Variants in EYA2 observed in about 807,000 individuals in gnomAD.
EYA2 encodes the protein EYA transcriptional coactivator and phosphatase 2.
EYA2 carries 31 observed loss-of-function variants against 69.2 expected under a neutral mutation model. The ratio of observed to expected loss-of-function variants is 0.45; its 90% CI spans 0.34 to 0.60. The LOEUF is 0.60. Ranked by LOEUF, EYA2 falls within the 20% of genes least tolerant of loss-of-function variation. EYA2 has a pLI of 0.02. For missense variants in EYA2, 622 were observed against 701.2 expected, an observed-to-expected ratio of 0.89 and a Z score of 1.28; for synonymous variants, 257 against 279.4, an observed-to-expected ratio of 0.92 and a Z score of 0.80.
At chr20:46,974,841 G>A (rs1269798295) in intron 1 of EYA2, among the ~76,000 whole-genome samples, 2 of 152,092 alleles carry the variant, frequency 1.3e-5, no homozygotes, top group Admixed American at 6.6e-5. Context: ...GAATCAAGCA[G>A]AACATGTGTG....
intron 5 of EYA2, among the ~76,000 whole-genome samples, chr20:47,068,492 TCA>T (rs2031195431): frequency 6.6e-6 from 1 of 152,222 alleles, no homozygotes. Context: ...TTCTCAATTC[TCA>T]GTGTGTACTA....
At chr20:47,167,504 A>G (rs3092783) in intron 10 of EYA2, among the ~76,000 whole-genome samples, 89,955 of 151,486 alleles carry the variant, frequency 0.59, 27,587 homozygotes, top group African/African-American at 0.75. Flanking sequence ...GGCTGGTCTC[A>G]AACTCCTGGC....
At chr20:47,067,192 G>T (rs1314105040) in intron 5 of EYA2, among the ~76,000 whole-genome samples, 1 of 152,166 alleles carries the variant, frequency 6.6e-6, no homozygotes, top group African/African-American at 2.4e-5. Flanking sequence ...TCATTCAGAA[G>T]GTTCATGCAA....
intron 5 of EYA2, among the ~76,000 whole-genome samples, chr20:47,042,361 A>G (rs1352538102): frequency 6.6e-6 from 1 of 152,220 alleles, no homozygotes; most frequent in East Asian, 1.9e-4. Context: ...GATTAAAAGA[A>G]ATTAAAAGGG....
chr20:47,179,704 C>A, intron 12 of EYA2, 94 bp from the exon 13 acceptor site: 2 of 806,460 alleles, frequency 2.5e-6, no homozygotes, highest in East Asian at 2.7e-5. Context: ...CTGATTTTAA[C>A]CCTCAGGGTA....
At chr20:47,119,552 C>T (rs1253054849) in intron 9 of EYA2, among the ~76,000 whole-genome samples, 1 of 152,112 alleles carries the variant, frequency 6.6e-6, no homozygotes, top group Non-Finnish European at 1.5e-5. Flanking sequence ...GTGAAAGAAG[C>T]CAGATACAGA....
intron 10 of EYA2, among the ~76,000 whole-genome samples, chr20:47,156,147 T>C (rs757853868): frequency 0.034 from 719 of 21,096 alleles, 5 homozygotes; most frequent in African/African-American, 0.048. Context: ...TATATATATA[T>C]ATATATATAT....
chr20:47,047,732 C>T (rs940656025), intron 5 of EYA2, among the ~76,000 whole-genome samples: 10 of 151,632 alleles, frequency 6.6e-5, no homozygotes, highest in Admixed American at 2.6e-4. Flanking sequence ...TTGTGTCCCA[C>T]TGGTGCTGTA....
intron 9 of EYA2, among the ~76,000 whole-genome samples, chr20:47,121,272 A>G (rs1462979662): frequency 1.3e-5 from 2 of 152,086 alleles, no homozygotes; most frequent in African/African-American, 4.8e-5. Flanking sequence ...TTGTATTTTT[A>G]GTTGAGACAG....
chr20:47,059,175 G>A (rs1173514669), intron 5 of EYA2, among the ~76,000 whole-genome samples: 3 of 152,144 alleles, frequency 2.0e-5, no homozygotes, highest in East Asian at 1.9e-4. Flanking sequence ...GATGGTGAGC[G>A]GGGAGGGACC....
At chr20:47,105,612 AAG>A in intron 9 of EYA2, among the ~76,000 whole-genome samples, 1 of 128,188 alleles carries the variant, frequency 7.8e-6, no homozygotes, top group East Asian at 2.5e-4. Context: ...GCGACAGAGC[AAG>A]ACTCTGTCCC....
In EYA2 at chr20:47,001,584, AG is replaced by A. The variant is rs1015993974; in HGVS notation, c.155+112del. The A allele has an allele frequency of 1.3e-4, 151 of 1,129,068 alleles. No individual in the cohort carries two copies. In the African/African-American group the frequency reaches 2.1e-3, roughly 16 times the overall value. The allele number at this position is 1,129,068 out of a possible 1,614,324, so 69.9% of individuals were successfully genotyped here. ...GCCAGATTCCCTGGATAGGAATCCC[AG>A]CCGTAGCACTTCCTAGCTGAGTGAG... On this transcript the variant is annotated intron_variant, in intron 3 of 15. Coordinates refer to ENST00000327619, the MANE Select transcript of EYA2 (RefSeq NM_005244.5).
chr20:47,185,226 T>C (rs140841572), intron 15 of EYA2, among the ~76,000 whole-genome samples: 39 of 150,494 alleles, frequency 2.6e-4, no homozygotes, highest in Non-Finnish European at 4.4e-4. Context: ...GCTAGAACAT[T>C]CTCTTTCTTC....
chr20:47,022,111 G>A (rs1235143367), intron 5 of EYA2, among the ~76,000 whole-genome samples: 1 of 152,166 alleles, frequency 6.6e-6, no homozygotes, highest in African/African-American at 2.4e-5. Flanking sequence ...AGGCTGTTGT[G>A]CCTTGTACTT....
intron 10 of EYA2, among the ~76,000 whole-genome samples, chr20:47,154,629 G>A (rs946793969): frequency 8.6e-5 from 13 of 151,918 alleles, no homozygotes; most frequent in Admixed American, 2.0e-4. Context: ...TTAGGAGCTC[G>A]TGCAGTGCCG....
chr20:47,057,105 AGGGAGGGAG>A (rs1398693338), intron 5 of EYA2, among the ~76,000 whole-genome samples: 1 of 93,078 alleles, frequency 1.1e-5, no homozygotes, highest in East Asian at 3.3e-4. Flanking sequence ...GGAAGGAGGG[AGGGAGGGAG>A]GGAAGGAAGA....
chr20:46,953,201 G>A (rs1390002128), intron 1 of EYA2, among the ~76,000 whole-genome samples: 3 of 152,142 alleles, frequency 2.0e-5, no homozygotes, highest in Admixed American at 6.5e-5. Context: ...ATTCTAATTC[G>A]TTTCATCTTC....
At chr20:46,917,651 C>T (rs1292959309) in intron 1 of EYA2, among the ~76,000 whole-genome samples, 1 of 152,172 alleles carries the variant, frequency 6.6e-6, no homozygotes, top group Admixed American at 6.5e-5. Flanking sequence ...TTTGGTTTCC[C>T]AGTATGTATG....
intron 9 of EYA2, among the ~76,000 whole-genome samples, chr20:47,121,243 C>T (rs1198332695): frequency 2.0e-5 from 3 of 152,088 alleles, no homozygotes; most frequent in East Asian, 1.9e-4. Context: ...AGGCACCCGC[C>T]GCCACACTCA....
Sources: gnomAD v4.1 joint callset for allele counts (sites outside exome capture counted in the v4.1 genomes callset) on GRCh38, gnomAD v4.1.1 for gene constraint, MANE v1.5 for transcripts, NCBI Gene and HGNC (gene_info 2026-07-23, HGNC 2026-07-21) for gene names.